The following PIK3C2B variants were observed in gnomAD, a reference collection of about 807,000 sequenced individuals.
The protein encoded by PIK3C2B is phosphatidylinositol 4-phosphate 3-kinase C2 domain-containing subunit beta.
Under a neutral mutation model 184.3 loss-of-function variants are expected in PIK3C2B, and 83 were observed. The ratio of observed to expected loss-of-function variants is 0.45; its 90% CI spans 0.38 to 0.54. The LOEUF (loss-of-function observed/expected upper bound fraction) is 0.54. Ranked by LOEUF, PIK3C2B falls within the 20% of genes least tolerant of loss-of-function variation. The pLI is 0.00. For missense variants in PIK3C2B, 1,736 were observed against 2,113.5 expected, an observed-to-expected ratio of 0.82 and a Z score of 3.50; for synonymous variants, 779 against 837.6, an observed-to-expected ratio of 0.93 and a Z score of 1.21.
intron 5 of PIK3C2B, among the ~76,000 whole-genome samples, chr1:204,463,321 C>T (rs1246604285): frequency 6.6e-6 from 1 of 152,166 alleles, no homozygotes; most frequent in Non-Finnish European, 1.5e-5. Context: ...TCTTATCTGT[C>T]TGCTGTCACA....
At chr1:204,484,188 T>A (rs1269762923) in intron 1 of PIK3C2B, among the ~76,000 whole-genome samples, 1 of 152,122 alleles carries the variant, frequency 6.6e-6, no homozygotes, top group Non-Finnish European at 1.5e-5. Context: ...ATATACCTTT[T>A]TTTCCCCCCT....
intron 4 of PIK3C2B, 147 bp from the exon 5 acceptor site, chr1:204,464,279 G>C: frequency 8.7e-7 from 1 of 1,150,206 alleles, no homozygotes; most frequent in Non-Finnish European, 1.3e-6. Flanking sequence ...CAGAGTTGAG[G>C]AAAGTGACTG....
chr1:204,468,768 G>A (rs1333764242), intron 2 of PIK3C2B, 102 bp downstream of exon 2: 3 of 1,075,492 alleles, frequency 2.8e-6, no homozygotes, highest in Non-Finnish European at 4.0e-6. Context: ...GGCCTAAAGG[G>A]GTAAGGACTT....
intron 1 of PIK3C2B, among the ~76,000 whole-genome samples, chr1:204,478,351 C>A (rs192196136): frequency 1.6e-4 from 24 of 152,226 alleles, no homozygotes; most frequent in African/African-American, 5.3e-4. Context: ...TCCCACAGCC[C>A]GGCTCTAACA....
chr1:204,430,449 G>A (rs112872702), intron 28 of PIK3C2B, among the ~76,000 whole-genome samples: 21,115 of 151,760 alleles, frequency 0.14, 1,981 homozygotes, highest in African/African-American at 0.26. Flanking sequence ...GGGTTCAAGC[G>A]ATTCTCCTGC....
At position 204,457,039 on chromosome 1, in the gene PIK3C2B, C is replaced by T. The variant is rs145406361; in HGVS notation, c.1745G>A (p.Arg582Gln). ...DPSVLAVREN[R>Q]EKVVEALTAA... ...AAGATGGAGAGCAGTTCCCTTACCTCGGTTTTCCCTCACAGCCAAGACACT... is the reference window on the plus strand; with the variant it reads ...AAGATGGAGAGCAGTTCCCTTACCTTGGTTTTCCCTCACAGCCAAGACACT... The change falls in exon 10 of 33, where the codon CGA (arginine) becomes CAA (glutamine). Residue 582 changes from arginine (R) to glutamine (Q), a missense_variant and splice_region_variant. Physicochemically the swap from Arg to Gln is conservative, Grantham distance 43. Around this residue, in one of 8 missense-constraint regions of PIK3C2B, gnomAD observed 609 missense variants for 699.2 expected, o/e 0.87. Coordinates refer to ENST00000684373, the MANE Select transcript of PIK3C2B (RefSeq NM_001377334.1). 8 of 1,566,934 alleles carry T rather than the reference C, an allele frequency of 5.1e-6. No individual in the cohort carries two copies. Among genetic ancestry groups the T allele is most frequent in the Middle Eastern group, 3.3e-4 (2 of 5,992 alleles).
At chr1:204,488,739 C>A (rs903607228) in intron 1 of PIK3C2B, among the ~76,000 whole-genome samples, 3 of 152,182 alleles carry the variant, frequency 2.0e-5, no homozygotes, top group Non-Finnish European at 2.9e-5. Flanking sequence ...TTGTTCAGAT[C>A]TCTGCAAACA....
In PIK3C2B at chr1:204,454,565, G is replaced by T. The variant is rs1654662233; in HGVS notation, c.2066+104C>A. The T allele has an allele frequency of 2.5e-6, 3 of 1,179,854 alleles. No homozygotes were observed. In the East Asian group the frequency reaches 7.3e-5, roughly 29 times the overall value. The allele number at this position is 1,179,854 out of a possible 1,614,324, so 73.1% of individuals were successfully genotyped here. On this transcript the variant is annotated intron_variant, in intron 12 of 32. Coordinates refer to ENST00000684373, the MANE Select transcript of PIK3C2B (RefSeq NM_001377334.1). Reference sequence around the variant, plus strand: ...TCCAGTTAGGGTTAACAAGGAGCCTGGTTTTATCATTAGTCCTGGACTAGT... The same window carrying T: ...TCCAGTTAGGGTTAACAAGGAGCCTTGTTTTATCATTAGTCCTGGACTAGT...
At chr1:204,481,990 G>C (rs1657191153) in intron 1 of PIK3C2B, among the ~76,000 whole-genome samples, 1 of 152,072 alleles carries the variant, frequency 6.6e-6, no homozygotes, top group Non-Finnish European at 1.5e-5. Context: ...CAAGGTGTTA[G>C]TCCCTCCCAG....
rs143735929 is a variant in PIK3C2B at position 204,425,632 on chromosome 1, T to C, written c.4697A>G (p.Asn1566Ser). The change falls in exon 32 of 33, where the codon AAT (asparagine) becomes AGT (serine). Residue 1566 changes from asparagine (N) to serine (S), a missense_variant. Coordinates refer to ENST00000684373, the MANE Select transcript of PIK3C2B (RefSeq NM_001377334.1). ...RKTKVARKTC[N>S]PTYNEMLVYD... The stretch of plus-strand genomic sequence containing the variant: ...ACCCACCATCTCATTGTAGGTAGGA[T>C]TGCAGGTTTTCCGGGCCACTTTGGT... 1.4e-5 allele frequency: 22 copies of C among 1,614,008 alleles called. No individual in the cohort carries two copies. The highest frequency in any genetic ancestry group is 2.2e-5 in the East Asian group (1 of 44,890).
At chr1:204,425,465 A>G in intron 32 of PIK3C2B, 148 bp downstream of exon 32, 1 of 816,272 alleles carries the variant, frequency 1.2e-6, no homozygotes, top group Admixed American at 2.3e-5. Context: ...CCATTGCAAC[A>G]TGAAAGCAGC....
intron 1 of PIK3C2B, among the ~76,000 whole-genome samples, chr1:204,479,515 C>G (rs138858848): frequency 1.6e-4 from 25 of 152,204 alleles, no homozygotes; most frequent in Middle Eastern, 6.8e-3. Flanking sequence ...TTCCAAAAAG[C>G]AACACCTAGG....
Position 204,425,034 on chromosome 1 carries a change from A to G in PIK3C2B, c.4723T>C (p.Tyr1575His), listed in dbSNP as rs767498260. The G allele has an allele frequency of 1.9e-6, 3 of 1,613,000 alleles. No homozygotes were observed. Among genetic ancestry groups the G allele is most frequent in the African/African-American group, 1.3e-5 (1 of 74,910 alleles). ...CNPTYNEMLV[Y>H]DGIPKGDLQQ... ...AGGTCACCCTTGGGGATCCCATCAT[A>G]TACCAACTGCAAACATAGAGATGGG... The change falls in exon 33 of 33, where the codon TAT (tyrosine) becomes CAT (histidine). Residue 1575 changes from tyrosine to histidine, a missense_variant. Transcript: ENST00000684373.
rs1226641969 is a variant in PIK3C2B at position 204,460,346 on chromosome 1, G to A, written c.1480C>T (p.Pro494Ser). 6.2e-7 allele frequency: 1 copy of A among 1,613,782 alleles called. No homozygotes were observed. The highest frequency in any genetic ancestry group is 1.7e-5 in the Admixed American group (1 of 60,026). The change falls in exon 7 of 33, where the codon CCT becomes TCT. Residue 494 changes from proline (P) to serine (S), a missense_variant. By Grantham distance (74) the Pro-to-Ser change is moderately conservative (BLOSUM62 -1). This residue lies in a region of PIK3C2B where 609 missense variants were observed against 699.2 expected (regional missense o/e 0.87). Transcript: ENST00000684373. The stretch of plus-strand genomic sequence containing the variant: ...CACCTGCTGATGGTCTGCTTGACAG[G>A]CCTCTCTTGGAGATGGACGAGGTAG... Reference protein sequence around the residue: ...LNYLVHLQERPVKQTISRQAL... With the variant: ...LNYLVHLQERSVKQTISRQAL...
At chr1:204,431,827 G>A (rs376269809) in intron 27 of PIK3C2B, 34 bp from the exon 28 acceptor site, 21 of 1,613,790 alleles carry the variant, frequency 1.3e-5, no homozygotes, top group Middle Eastern at 1.6e-4. Flanking sequence ...TGTACCTGCC[G>A]AGCCCTCTGC....
intron 12 of PIK3C2B, among the ~76,000 whole-genome samples, chr1:204,451,399 T>G (rs1255064502): frequency 6.6e-6 from 1 of 152,180 alleles, no homozygotes; most frequent in African/African-American, 2.4e-5. Flanking sequence ...CTTCAGTCCT[T>G]GGGTATATCT....
At position 204,431,508 on chromosome 1, in the gene PIK3C2B, G is replaced by C. The variant is rs960051869; in HGVS notation, c.4280+161C>G. On this transcript the variant is annotated intron_variant, in intron 28 of 32. Transcript: ENST00000684373. ...CGTGCAAGGAGAGCTTGGCCAGCAG[G>C]GGGAGCACTTGTCATCAAACTCCAT... 66 of 808,070 alleles carry C rather than the reference G, an allele frequency of 8.2e-5. No homozygotes were observed. In the Admixed American group the frequency reaches 8.6e-4, roughly 11 times the overall value. The allele number at this position is 808,070 out of a possible 1,614,324, so 50.1% of individuals were successfully genotyped here.
chr1:204,432,428 A>AT (rs779260839), intron 26 of PIK3C2B, 27 bp from the exon 27 acceptor site: 2 of 1,602,930 alleles, frequency 1.2e-6, no homozygotes, highest in Non-Finnish European at 1.7e-6. Context: ...AAAAGAGGAT[A>AT]TAACCATGAA....
chr1:204,464,634 T>C, intron 3 of PIK3C2B, 30 bp from the exon 4 acceptor site: 1 of 1,607,858 alleles, frequency 6.2e-7, no homozygotes, highest in Non-Finnish European at 8.5e-7. Context: ...ACCCTCACTG[T>C]GCCTTTAGAA....
Sources: gnomAD v4.1 joint callset for allele counts (sites outside exome capture counted in the v4.1 genomes callset) on GRCh38, gnomAD v4.1.1 for gene constraint, gnomAD v4.1.1 regional missense constraint, MANE v1.5 for transcripts, NCBI Gene and HGNC (gene_info 2026-07-23, HGNC 2026-07-21) for gene names.